RAD51B: variants seen among roughly 807,000 people sequenced by gnomAD.
RAD51B encodes DNA repair protein RAD51 homolog 2.
In RAD51B, 38 loss-of-function variants were observed where a neutral mutation model predicts 42.2. The ratio of observed to expected loss-of-function variants is 0.90; its 90% confidence interval spans 0.70 to 1.18. The LOEUF is 1.18. Among genes scored for constraint, RAD51B ranks in the 50% most tolerant of loss-of-function variants. The pLI is 0.00. For missense variants in RAD51B, 373 were observed against 400.7 expected, an observed-to-expected ratio of 0.93 and a Z score of 0.59; for synonymous variants, 154 against 145.2, an observed-to-expected ratio of 1.06 and a Z score of -0.43.
At chr14:67,951,283 T>C (rs926796928) in intron 7 of RAD51B, among the ~76,000 whole-genome samples, 2 of 151,856 alleles carry the variant, frequency 1.3e-5, no homozygotes, top group East Asian at 1.9e-4. Flanking sequence ...CTGTCACTCA[T>C]TGGGTCTGCA....
chr14:68,210,237 G>A (rs972358325), intron 7 of RAD51B, among the ~76,000 whole-genome samples: 22 of 152,170 alleles, frequency 1.4e-4, no homozygotes, highest in Non-Finnish European at 2.2e-4. Flanking sequence ...AGGATTACAG[G>A]TGTGAGCCAC....
At chr14:68,209,495 G>A (rs535685049) in intron 7 of RAD51B, among the ~76,000 whole-genome samples, 10 of 152,268 alleles carry the variant, frequency 6.6e-5, no homozygotes, top group African/African-American at 2.2e-4. Flanking sequence ...CCTTCTAGAA[G>A]ATGAGTTTTT....
chr14:68,420,272 C>T (rs1449967176), intron 9 of RAD51B, among the ~76,000 whole-genome samples: 1 of 152,138 alleles, frequency 6.6e-6, no homozygotes, highest in East Asian at 1.9e-4. Context: ...AGAGAGGGTT[C>T]TTGGACCTCA....
chr14:67,957,339 A>G (rs112061921), intron 7 of RAD51B, among the ~76,000 whole-genome samples: 88 of 152,324 alleles, frequency 5.8e-4, no homozygotes, highest in African/African-American at 2.1e-3. Context: ...GATAATTTCT[A>G]AGGTCTCTTA....
In RAD51B at chr14:68,086,499, G is replaced by C. The variant is rs2076987585; in HGVS notation, c.756+199295G>C. ...ACCTAGGCCTGTGGGCCCAGGTCTG[G>C]GGGTAGAGCCCTCGCCAGGGACCAC... is the stretch of plus-strand genomic sequence containing the variant. On this transcript the variant is annotated intron_variant, in intron 7 of 10. Transcript: ENST00000471583. Among the ~76,000 whole-genome samples the C allele has an allele frequency of 2.6e-5, 4 of 152,132 alleles. No individual in the cohort carries two copies. In the South Asian group the frequency reaches 6.2e-4, roughly 24 times the overall value.
intron 10 of RAD51B, among the ~76,000 whole-genome samples, chr14:68,494,316 A>G (rs1884328427): frequency 6.6e-6 from 1 of 150,944 alleles, no homozygotes. Flanking sequence ...TTTCACCAGT[A>G]CTGCTCTATT....
At chr14:68,091,150 C>T (rs1407703735) in intron 7 of RAD51B, among the ~76,000 whole-genome samples, 1 of 151,914 alleles carries the variant, frequency 6.6e-6, no homozygotes, top group Non-Finnish European at 1.5e-5. Context: ...TGAATAGTGC[C>T]GCAATAAACA....
At chr14:68,645,393 AT>A (rs1295796462) in intron 10 of RAD51B, among the ~76,000 whole-genome samples, 10 of 152,356 alleles carry the variant, frequency 6.6e-5, no homozygotes, top group African/African-American at 2.4e-4. Flanking sequence ...TTATCCATTC[AT>A]TCATCGACAG....
At chr14:68,301,610 T>C (rs1317444287) in intron 8 of RAD51B, among the ~76,000 whole-genome samples, 1 of 100,942 alleles carries the variant, frequency 9.9e-6, no homozygotes, top group African/African-American at 3.1e-5. Flanking sequence ...TTTTTTTTTT[T>C]TTTTGAGACA....
downstream of RAD51B, among the ~76,000 whole-genome samples, chr14:68,598,212 C>T (rs1401190798): frequency 1.3e-5 from 2 of 151,796 alleles, no homozygotes; most frequent in Non-Finnish European, 2.9e-5. Flanking sequence ...CATTGTCAGA[C>T]CAAGCACAGC....
intron 10 of RAD51B, among the ~76,000 whole-genome samples, chr14:68,559,721 G>A (rs1448155312): frequency 1.3e-5 from 2 of 152,188 alleles, no homozygotes; most frequent in African/African-American, 4.8e-5. Context: ...ATCAAAGGAA[G>A]ACTGCAGAGG....
At chr14:68,490,542 C>T (rs1429626031) in intron 10 of RAD51B, among the ~76,000 whole-genome samples, 3 of 152,316 alleles carry the variant, frequency 2.0e-5, no homozygotes, top group South Asian at 2.1e-4. Context: ...CATTTCTCAA[C>T]ATCAACTATT....
chr14:68,333,624 A>G (rs2082390556), intron 8 of RAD51B, among the ~76,000 whole-genome samples: 1 of 152,256 alleles, frequency 6.6e-6, no homozygotes, highest in Non-Finnish European at 1.5e-5. Context: ...TAAAAAGGCC[A>G]GAAGGATGAA....
At chr14:68,036,071 C>T (rs1258540103) in intron 7 of RAD51B, among the ~76,000 whole-genome samples, 1 of 152,172 alleles carries the variant, frequency 6.6e-6, no homozygotes, top group Admixed American at 6.5e-5. Flanking sequence ...TCATCTTGAC[C>T]ACCACTGGTC....
At chr14:68,664,297 A>G (rs1892990925) in intron 11 of RAD51B, among the ~76,000 whole-genome samples, 1 of 152,158 alleles carries the variant, frequency 6.6e-6, no homozygotes, top group Non-Finnish European at 1.5e-5. Flanking sequence ...ACCACCAAGG[A>G]TGATTCCTAC....
chr14:68,128,627 G>A (rs967868135), intron 7 of RAD51B, among the ~76,000 whole-genome samples: 1 of 152,176 alleles, frequency 6.6e-6, no homozygotes, highest in Non-Finnish European at 1.5e-5. Flanking sequence ...GGGAGGCAGA[G>A]GTTGCAGTGA....
At chr14:68,353,730 C>A (rs2082837232) in intron 8 of RAD51B, among the ~76,000 whole-genome samples, 1 of 152,192 alleles carries the variant, frequency 6.6e-6, no homozygotes, top group Non-Finnish European at 1.5e-5. Context: ...TGTTGTCTGG[C>A]TGTCGCAGCA....
intron 7 of RAD51B, among the ~76,000 whole-genome samples, chr14:68,050,266 C>T (rs538904199): frequency 1.5e-5 from 2 of 137,752 alleles, no homozygotes; most frequent in Non-Finnish European, 1.6e-5. Flanking sequence ...TTTCTCTTTT[C>T]TTTTTTCTTT....
intron 10 of RAD51B, among the ~76,000 whole-genome samples, chr14:68,483,371 C>T (rs1486161467): frequency 6.6e-6 from 1 of 152,166 alleles, no homozygotes; most frequent in African/African-American, 2.4e-5. Flanking sequence ...AACAGTTTTG[C>T]AGCCTATTTT....
Sources: allele counts gnomAD v4.1 joint callset (sites outside exome capture counted in the v4.1 genomes callset), GRCh38; gene constraint gnomAD v4.1.1; transcripts MANE v1.5; gene names NCBI Gene and HGNC (gene_info 2026-07-23, HGNC 2026-07-21).